LRP5: variants seen among roughly 807,000 people sequenced by gnomAD.
LRP5 encodes LDL receptor related protein 5, also known as low-density lipoprotein receptor-related protein 5.
In LRP5, 62 loss-of-function variants were observed where a neutral mutation model predicts 154.1. The observed-to-expected ratio is 0.40, with a 90% CI of 0.33 to 0.50. The LOEUF (loss-of-function observed/expected upper bound fraction) is 0.50, where lower values mean the gene tolerates loss of function less well. Among genes scored for constraint, LRP5 ranks in the 20% least tolerant of loss-of-function variants. The pLI, the probability that LRP5 is intolerant of heterozygous loss-of-function variation, is 0.55. For missense variants in LRP5, 1,915 were observed against 2,336.7 expected (o/e 0.82, Z 3.72); for synonymous variants, 966 against 1,011.5 (o/e 0.96, Z 0.85).
chr11:68,307,766 C>G (rs535919012), upstream of LRP5, among the ~76,000 whole-genome samples: 1 of 151,942 alleles, frequency 6.6e-6, no homozygotes, highest in Non-Finnish European at 1.5e-5. Context: ...TGTAGTGAGC[C>G]GTAATCACAC....
chr11:68,373,441 C>T lies in LRP5; in HGVS notation c.1015+7739C>T, dbSNP rs1398934245. On this transcript the variant is annotated intron_variant, in intron 5 of 22. Transcript: ENST00000294304. ...CTTCAAGGTGGCACTATTTACGTGG[C>T]CCCTGAGCTGCAGGGTGACCGCTAG... Among the ~76,000 whole-genome samples, 4 of 152,260 alleles carry T rather than the reference C, an allele frequency of 2.6e-5. No individual in the cohort carries two copies. In the East Asian group the frequency reaches 7.7e-4, roughly 29 times the overall value.
chr11:68,443,907 C>T (rs953572219), intron 21 of LRP5, among the ~76,000 whole-genome samples: 2 of 151,782 alleles, frequency 1.3e-5, no homozygotes, highest in African/African-American at 4.8e-5. Context: ...GATCCACCCA[C>T]CTCGGCCTCC....
intron 1 of LRP5, among the ~76,000 whole-genome samples, chr11:68,329,754 G>A (rs928092554): frequency 6.6e-6 from 1 of 152,270 alleles, no homozygotes; most frequent in Non-Finnish European, 1.5e-5. Flanking sequence ...GCCTCCCACC[G>A]GCCATCAGCG....
At chr11:68,305,432 A>G in the LRP5 span, among the ~76,000 whole-genome samples, 1 of 151,784 alleles carries the variant, frequency 6.6e-6, no homozygotes, top group Non-Finnish European at 1.5e-5. Context: ...ACCCAGTCTC[A>G]GGTGTTTATT....
intron 22 of LRP5, 88 bp from the exon 23 acceptor site, chr11:68,448,721 C>A (rs949177142): frequency 3.3e-6 from 5 of 1,534,044 alleles, no homozygotes; most frequent in Admixed American, 3.3e-5. Flanking sequence ...AGTGGACAGG[C>A]CTTTCCCGTT....
At position 68,366,498 on chromosome 11, in the gene LRP5, G is replaced by C. The variant is rs2153141073; in HGVS notation, c.1015+796G>C. ...TTAGGAACAGTTTCCTGGTCCCCCT[G>C]TTCTTGCTGGCTAGGGTCTGTGTTT... On this transcript the variant is annotated intron_variant, in intron 5 of 22. Coordinates refer to ENST00000294304, the MANE Select transcript of LRP5 (RefSeq NM_002335.4). Among the ~76,000 whole-genome samples, 6 of 152,302 alleles carry C rather than the reference G, an allele frequency of 3.9e-5. No individual in the cohort carries two copies. In the South Asian group the frequency reaches 1.2e-3, roughly 32 times the overall value.
chr11:68,321,941 G>T (rs1002138660), intron 1 of LRP5, among the ~76,000 whole-genome samples: 4 of 152,198 alleles, frequency 2.6e-5, no homozygotes, highest in African/African-American at 9.6e-5. Context: ...TCCAGGCTCT[G>T]GCCACCTTGG....
intron 1 of LRP5, among the ~76,000 whole-genome samples, chr11:68,334,125 T>C (rs923150051): frequency 1.3e-5 from 2 of 152,156 alleles, no homozygotes; most frequent in Admixed American, 6.5e-5. Context: ...TCCCAGCTAT[T>C]TGAGAAGCTG....
the LRP5 span, among the ~76,000 whole-genome samples, chr11:68,301,467 C>T: frequency 1.6e-3 from 241 of 147,704 alleles, 4 homozygotes; most frequent in African/African-American, 5.1e-3. Context: ...AGAGCAAGAC[C>T]CTGTCTCTAA....
chr11:68,332,177 C>T (rs1200920640), intron 1 of LRP5, among the ~76,000 whole-genome samples: 1 of 152,220 alleles, frequency 6.6e-6, no homozygotes, highest in Admixed American at 6.5e-5. Flanking sequence ...TTTTATAATC[C>T]AAGTTGGTTT....
In LRP5 at chr11:68,432,590, C is replaced by T. The variant is rs1048182206; in HGVS notation, c.3764-1012C>T. ...TGCGTGCAGCATGACAGCTTGAAACCGATGTTTTTTACCTTGATCAGATTT... is the reference window on the plus strand; with the variant it reads ...TGCGTGCAGCATGACAGCTTGAAACTGATGTTTTTTACCTTGATCAGATTT... On this transcript the variant is annotated intron_variant, in intron 17 of 22. Transcript: ENST00000294304. Among the ~76,000 whole-genome samples, 8 of 152,362 alleles carry T rather than the reference C, an allele frequency of 5.3e-5. No homozygotes were observed. In the East Asian group the frequency reaches 1.3e-3, roughly 26 times the overall value.
At chr11:68,432,215 C>T (rs1054682122) in intron 17 of LRP5, among the ~76,000 whole-genome samples, 4 of 152,304 alleles carry the variant, frequency 2.6e-5, no homozygotes, top group Admixed American at 6.5e-5. Context: ...GAGTCGAGGT[C>T]GGAGGCTTTG....
Position 68,406,554 on chromosome 11 carries a change from G to C in LRP5, c.1832G>C (p.Gly611Ala). The C allele has an allele frequency of 6.2e-7, 1 of 1,614,130 alleles. No individual in the cohort carries two copies. Among genetic ancestry groups the C allele is most frequent in the South Asian group, 1.1e-5 (1 of 91,070 alleles). ...GTNPCADRNG[G>A]CSHLCFFTPH... ...AACCCGTGTGCGGACAGGAACGGGG[G>C]GTGCAGCCACCTGTGCTTCTTCACA... is the stretch of plus-strand genomic sequence containing the variant. Residue 611 changes from glycine to alanine, a missense_variant, in exon 9 of 23, where the codon GGG becomes GCG. By Grantham distance (60) the Gly-to-Ala change is moderately conservative. Coordinates refer to ENST00000294304, the MANE Select transcript of LRP5 (RefSeq NM_002335.4).
At chr11:68,435,482 C>T (rs573330618) in intron 18 of LRP5, among the ~76,000 whole-genome samples, 15 of 102,098 alleles carry the variant, frequency 1.5e-4, no homozygotes, top group African/African-American at 6.0e-4. Flanking sequence ...GAGGGAGCAA[C>T]GGAGAGAGAG....
At chr11:68,302,558 C>T in the LRP5 span, among the ~76,000 whole-genome samples, 1 of 152,128 alleles carries the variant, frequency 6.6e-6, no homozygotes, top group South Asian at 2.1e-4. Context: ...TCTAGGTAAA[C>T]CAGGATGGTC....
chr11:68,396,401 G>A (rs1307245619), intron 7 of LRP5, among the ~76,000 whole-genome samples: 1 of 152,176 alleles, frequency 6.6e-6, no homozygotes, highest in African/African-American at 2.4e-5. Context: ...CAGCTGGGCT[G>A]TGTGGAGCTG....
chr11:68,421,175 C>A (rs1217528006), intron 13 of LRP5, among the ~76,000 whole-genome samples: 1 of 152,052 alleles, frequency 6.6e-6, no homozygotes, highest in South Asian at 2.1e-4. Context: ...TGCGGTGAGC[C>A]GAGATCGCTT....
Position 68,411,493 on chromosome 11 carries a change from C to G in LRP5, c.2376C>G (p.Asp792Glu), listed in dbSNP as rs759574283. 2 of 1,613,518 alleles carry G rather than the reference C, an allele frequency of 1.2e-6. No homozygotes were observed. The highest frequency in any genetic ancestry group is 1.7e-6 in the Non-Finnish European group (2 of 1,180,036). ...CGAGGATCGTGCGGGCCTTCATGGA[C>G]GGGACCAACTGCATGACGCTGGTGG... The part of the protein sequence containing the change: ...GKPRIVRAFM[D>E]GTNCMTLVDK... Residue 792 changes from aspartate to glutamate, a missense_variant, in exon 11 of 23, where the codon GAC (aspartate) becomes GAG (glutamate). Asp to Glu is a conservative substitution (Grantham distance 45, BLOSUM62 2). Coordinates refer to ENST00000294304, the MANE Select transcript of LRP5 (RefSeq NM_002335.4).
intron 8 of LRP5, among the ~76,000 whole-genome samples, chr11:68,405,482 A>G (rs993215219): frequency 2.0e-5 from 3 of 151,708 alleles, no homozygotes; most frequent in African/African-American, 7.3e-5. Flanking sequence ...AAAAAAAAAA[A>G]AAAAAAAGCA....
Sources: gnomAD v4.1 joint callset for allele counts (sites outside exome capture counted in the v4.1 genomes callset) on GRCh38, gnomAD v4.1.1 for gene constraint, MANE v1.5 for transcripts, NCBI Gene and HGNC (gene_info 2026-07-23, HGNC 2026-07-21) for gene names.